TMEM156: variants seen among roughly 807,000 people sequenced by gnomAD.
The protein encoded by TMEM156 is transmembrane protein 156.
In TMEM156, 28 loss-of-function variants were observed where a neutral mutation model predicts 30.5. That is an observed-to-expected ratio of 0.92 (90% CI 0.68 to 1.26). TMEM156 has a LOEUF of 1.26. Ranked by LOEUF, TMEM156 falls within the 50% of genes most tolerant of loss-of-function variation. The pLI is 0.00. For missense variants in TMEM156, 351 were observed against 340.6 expected (o/e 1.03, Z -0.24); for synonymous variants, 137 against 119.9 (o/e 1.14, Z -0.93).
At chr4:38,984,347 C>CTGTGTGTGTGTGTGTGTG (rs1211976306) in intron 5 of TMEM156, among the ~76,000 whole-genome samples, 1 of 130,550 alleles carries the variant, frequency 7.7e-6, no homozygotes, top group African/African-American at 3.8e-5. Flanking sequence ...CTCTCTCTCT[C>CTGTGTGTGTGTGTGTGTG]TCTGTGTGTG....
chr4:38,982,770 T>C (rs968346126), intron 5 of TMEM156, among the ~76,000 whole-genome samples: 1 of 152,200 alleles, frequency 6.6e-6, no homozygotes, highest in African/African-American at 2.4e-5. Flanking sequence ...ATTTCAAGTT[T>C]TAAGGATTTC....
chr4:39,025,503 G>A (rs1265712682), intron 1 of TMEM156, among the ~76,000 whole-genome samples: 2 of 152,150 alleles, frequency 1.3e-5, no homozygotes, highest in Non-Finnish European at 2.9e-5. Context: ...TATTGTGTAT[G>A]GGTGATATAT....
intron 5 of TMEM156, among the ~76,000 whole-genome samples, chr4:38,975,925 A>T (rs1722828042): frequency 6.6e-6 from 1 of 152,064 alleles, no homozygotes; most frequent in South Asian, 2.1e-4. Flanking sequence ...CCTGAATTAA[A>T]GAGGTAAAAT....
At chr4:39,017,515 T>A (rs1714581800) in intron 1 of TMEM156, among the ~76,000 whole-genome samples, 1 of 152,076 alleles carries the variant, frequency 6.6e-6, no homozygotes, top group Non-Finnish European at 1.5e-5. Flanking sequence ...AGAATATGTG[T>A]TCCAGATGTT....
intron 5 of TMEM156, among the ~76,000 whole-genome samples, chr4:38,975,952 G>A (rs553634548): frequency 2.6e-5 from 4 of 152,018 alleles, no homozygotes; most frequent in South Asian, 4.2e-4. Context: ...AAAGAGAAAC[G>A]GCCCTTCCTG....
At chr4:38,990,835 T>TTTTTTTTGTTTTGTTTTG (rs1387088647) in intron 3 of TMEM156, among the ~76,000 whole-genome samples, 7,562 of 125,916 alleles carry the variant, frequency 0.06, 452 homozygotes, top group Middle Eastern at 0.11. Flanking sequence ...TTCTGGTTTT[T>TTTTTTTTGTTTTGTTTTG]TTTTTTTTTT....
intron 1 of TMEM156, among the ~76,000 whole-genome samples, chr4:39,020,478 C>T (rs1232509624): frequency 6.6e-6 from 1 of 152,170 alleles, no homozygotes; most frequent in African/African-American, 2.4e-5. Context: ...TCCAGCGATC[C>T]TCCCAACTCA....
chr4:39,023,783 C>T (rs1464906901), intron 1 of TMEM156, among the ~76,000 whole-genome samples: 11 of 152,088 alleles, frequency 7.2e-5, no homozygotes, highest in Admixed American at 4.6e-4. Flanking sequence ...GAACCCAGGA[C>T]GCAGAGGTTG....
chr4:38,970,298 C>T (rs1449841354), intron 6 of TMEM156, among the ~76,000 whole-genome samples: 7 of 152,126 alleles, frequency 4.6e-5, no homozygotes, highest in African/African-American at 1.7e-4. Context: ...TTTTCCCACA[C>T]CCTAGTTTAA....
intron 5 of TMEM156, among the ~76,000 whole-genome samples, chr4:38,984,391 A>G (rs971564614): frequency 5.5e-5 from 8 of 145,924 alleles, no homozygotes; most frequent in Non-Finnish European, 9.1e-5. Flanking sequence ...GTGTTGAACA[A>G]TACTCACTTT....
chr4:39,032,220 A>G lies in TMEM156; in HGVS notation c.88+6T>C, dbSNP rs750651242. On this transcript the variant is annotated splice_donor_region_variant and intron_variant, in intron 1 of 6. Coordinates refer to ENST00000381938, the MANE Select transcript of TMEM156 (RefSeq NM_024943.3). The stretch of plus-strand genomic sequence containing the variant: ...AAGGAAAGCTAGATTACAATTATAT[A>G]CTCACCTTTCGGTGTCTTGAAATAT... 6 of 1,553,798 alleles carry G rather than the reference A, an allele frequency of 3.9e-6. 1 individual carries two copies. The South Asian group carries it at 4.5e-5, about 12-fold the overall frequency.
intron 5 of TMEM156, among the ~76,000 whole-genome samples, chr4:38,985,731 G>A (rs1165671890): frequency 1.3e-5 from 2 of 152,146 alleles, no homozygotes; most frequent in Admixed American, 1.3e-4. Flanking sequence ...AGAGGGCTTC[G>A]TCCATGTCAC....
intron 1 of TMEM156, among the ~76,000 whole-genome samples, chr4:39,018,792 G>A (rs970235639): frequency 5.3e-5 from 8 of 152,124 alleles, no homozygotes; most frequent in Non-Finnish European, 1.0e-4. Context: ...AGGCCAAGGT[G>A]GGCAGATCAC....
At chr4:39,013,024 C>G (rs778067751) in intron 1 of TMEM156, among the ~76,000 whole-genome samples, 2 of 151,848 alleles carry the variant, frequency 1.3e-5, no homozygotes, top group Non-Finnish European at 2.9e-5. Context: ...TGAGGCTGGA[C>G]ATGGTGGCTT....
chr4:38,990,772 C>T (rs1577532259), intron 3 of TMEM156, among the ~76,000 whole-genome samples: 1 of 151,760 alleles, frequency 6.6e-6, no homozygotes, highest in African/African-American at 2.4e-5. Flanking sequence ...GGCTTTTACT[C>T]CCACCAAAGT....
intron 1 of TMEM156, among the ~76,000 whole-genome samples, chr4:39,008,413 A>G (rs1713889594): frequency 6.6e-6 from 1 of 152,188 alleles, no homozygotes; most frequent in Non-Finnish European, 1.5e-5. Context: ...GTAGTGAATT[A>G]CATTATTAGA....
chr4:39,029,186 C>A (rs897640062), intron 1 of TMEM156, among the ~76,000 whole-genome samples: 28 of 151,794 alleles, frequency 1.8e-4, no homozygotes, highest in African/African-American at 6.3e-4. Flanking sequence ...GAATTCATTT[C>A]ACATGTTAAA....
intron 1 of TMEM156, among the ~76,000 whole-genome samples, chr4:39,024,127 CT>C (rs1458387450): frequency 2.0e-5 from 3 of 152,210 alleles, no homozygotes; most frequent in African/African-American, 7.2e-5. Context: ...CCTCCGCCCC[CT>C]GGGTTCAAGT....
chr4:39,029,470 T>TAAAAACCAAGAAAATTATG (rs376272164), intron 1 of TMEM156, among the ~76,000 whole-genome samples: 1 of 90,800 alleles, frequency 1.1e-5, no homozygotes. Flanking sequence ...AACTAATTTT[T>TAAAAACCAAGAAAATTATG]TTGGGAGGCC....
Sources: gnomAD v4.1 joint callset for allele counts (sites outside exome capture counted in the v4.1 genomes callset) on GRCh38, gnomAD v4.1.1 for gene constraint, MANE v1.5 for transcripts, NCBI Gene and HGNC (gene_info 2026-07-23, HGNC 2026-07-21) for gene names.